The following ANAPC10 variants were observed in gnomAD, a reference collection of about 807,000 sequenced individuals.
ANAPC10 encodes anaphase promoting complex subunit 10, also known as anaphase-promoting complex subunit 10.
A neutral mutation model predicts 22.0 loss-of-function variants in ANAPC10; 12 were observed. The ratio of observed to expected loss-of-function variants is 0.55; its 90% CI spans 0.35 to 0.88. ANAPC10 has a LOEUF of 0.88. Ranked by LOEUF, ANAPC10 falls within the 40% of genes least tolerant of loss-of-function variation. The pLI, the probability that ANAPC10 is intolerant of heterozygous loss-of-function variation, is 0.01. For synonymous variants in ANAPC10, 65 were observed against 69.5 expected (o/e 0.94, Z 0.32); for missense variants, 188 against 220.9 (o/e 0.85, Z 0.94).
chr4:145,009,142 C>T (rs1339461707), intron 4 of ANAPC10, among the ~76,000 whole-genome samples: 1 of 151,924 alleles, frequency 6.6e-6, no homozygotes, highest in Non-Finnish European at 1.5e-5. Context: ...TGTGAAGGAC[C>T]TCTTCAGGAA....
chr4:145,039,946 T>A (rs1739249656), intron 4 of ANAPC10, among the ~76,000 whole-genome samples: 1 of 152,118 alleles, frequency 6.6e-6, no homozygotes. Context: ...GAGGCTAACA[T>A]TCCAAGGTTC....
intron 3 of ANAPC10, among the ~76,000 whole-genome samples, chr4:145,073,243 T>A (rs937090999): frequency 2.6e-5 from 4 of 152,206 alleles, no homozygotes; most frequent in African/African-American, 9.6e-5. Flanking sequence ...TTTGCTCTAC[T>A]TTTAAAAATA....
chr4:145,020,421 G>A (rs1735805449), intron 4 of ANAPC10, among the ~76,000 whole-genome samples: 2 of 151,978 alleles, frequency 1.3e-5, no homozygotes, highest in African/African-American at 4.8e-5. Context: ...CGGCATAAAG[G>A]AACATACCTC....
chr4:145,070,883 T>C (rs1450728836), intron 3 of ANAPC10, among the ~76,000 whole-genome samples: 1 of 152,142 alleles, frequency 6.6e-6, no homozygotes, highest in Non-Finnish European at 1.5e-5. Flanking sequence ...GTGAGAAAAG[T>C]TAGACACCAA....
At chr4:145,006,337 T>C (rs1733350052) in intron 4 of ANAPC10, among the ~76,000 whole-genome samples, 1 of 152,148 alleles carries the variant, frequency 6.6e-6, no homozygotes, top group East Asian at 1.9e-4. Context: ...TTGGCAAACA[T>C]AAAGGGATTT....
chr4:145,082,385 G>C (rs953565133), intron 2 of ANAPC10, among the ~76,000 whole-genome samples: 1 of 152,240 alleles, frequency 6.6e-6, no homozygotes, highest in African/African-American at 2.4e-5. Flanking sequence ...CCAACTTCAA[G>C]TGATCCAGCC....
intron 4 of ANAPC10, among the ~76,000 whole-genome samples, chr4:145,045,246 A>C (rs1348408641): frequency 6.6e-6 from 1 of 152,244 alleles, no homozygotes; most frequent in East Asian, 1.9e-4. Context: ...AGTACTTTGC[A>C]AACTTTATCC....
intron 1 of ANAPC10, chr4:145,097,199 C>G: frequency 3.0e-6 from 1 of 331,324 alleles, no homozygotes; most frequent in East Asian, 8.3e-5. Context: ...AAGACACTGT[C>G]CCAAAAAGCA....
Position 145,086,893 on chromosome 4 carries a change from T to C in ANAPC10, c.116-5143A>G, listed in dbSNP as rs1028803954. ...AGAAAAGAAAATCAGTATTCATCTATGGTTATTGTTATTGTTTGGTAAATA... is the reference window on the plus strand; with the variant it reads ...AGAAAAGAAAATCAGTATTCATCTACGGTTATTGTTATTGTTTGGTAAATA... On this transcript the variant is annotated intron_variant, in intron 2 of 4. Transcript: ENST00000507656. Among the ~76,000 whole-genome samples, 5 of 152,098 alleles carry C rather than the reference T, an allele frequency of 3.3e-5. No homozygotes were observed. In the South Asian group the frequency reaches 1.0e-3, roughly 32 times the overall value.
At chr4:145,047,411 A>T (rs2127175585) in intron 4 of ANAPC10, among the ~76,000 whole-genome samples, 1 of 152,242 alleles carries the variant, frequency 6.6e-6, no homozygotes, top group Admixed American at 6.5e-5. Context: ...CTCTGGGGGA[A>T]TATCAGCAAG....
chr4:145,032,211 C>T (rs1737693137), intron 4 of ANAPC10, among the ~76,000 whole-genome samples: 1 of 152,216 alleles, frequency 6.6e-6, no homozygotes. Context: ...AGCACTACAG[C>T]CCCTTTCTAG....
At chr4:145,072,441 A>G (rs920121167) in intron 3 of ANAPC10, among the ~76,000 whole-genome samples, 1 of 152,188 alleles carries the variant, frequency 6.6e-6, no homozygotes, top group Non-Finnish European at 1.5e-5. Context: ...CATCTAAGGA[A>G]CCAAATAGTT....
At chr4:145,070,259 T>C (rs1192102231) in intron 3 of ANAPC10, among the ~76,000 whole-genome samples, 1 of 152,196 alleles carries the variant, frequency 6.6e-6, no homozygotes, top group Non-Finnish European at 1.5e-5. Context: ...TATGGGAGCT[T>C]TAATACTACA....
chr4:145,027,683 C>T (rs1250667911), intron 4 of ANAPC10, among the ~76,000 whole-genome samples: 1 of 152,148 alleles, frequency 6.6e-6, no homozygotes, highest in Non-Finnish European at 1.5e-5. Flanking sequence ...TCAACATTTA[C>T]GCCAAAACTA....
Position 144,995,514 on chromosome 4 carries a change from A to C in ANAPC10, c.417T>G (p.Ile139Met), listed in dbSNP as rs199788158. The C allele has an allele frequency of 6.2e-4, 1,001 of 1,613,838 alleles. 2 individuals are homozygous for C. Among genetic ancestry groups the C allele is most frequent in the Non-Finnish European group, 6.0e-4 (709 of 1,179,898 alleles). ...CATTCTGGTGATTGGCTAGAACAGCAATCTGTATCATGAATGTACGAGTTG... is the reference window on the plus strand; with the variant it reads ...CATTCTGGTGATTGGCTAGAACAGCCATCTGTATCATGAATGTACGAGTTG... ...KKPTRTFMIQ[I>M]AVLANHQNGR... Residue 139 changes from isoleucine (I) to methionine (M), a missense_variant, in exon 5 of 5, where the codon ATT (isoleucine) becomes ATG (methionine). Physicochemically the swap from Ile to Met is conservative, Grantham distance 10. Transcript: ENST00000507656.
At chr4:145,054,676 G>C (rs1741769999) in intron 4 of ANAPC10, among the ~76,000 whole-genome samples, 2 of 148,384 alleles carry the variant, frequency 1.3e-5, no homozygotes, top group Non-Finnish European at 3.0e-5. Context: ...GCATGTGTGT[G>C]TGTGTGCCTG....
chr4:145,049,668 C>T (rs961721141), intron 4 of ANAPC10, among the ~76,000 whole-genome samples: 4 of 152,126 alleles, frequency 2.6e-5, no homozygotes, highest in Non-Finnish European at 5.9e-5. Flanking sequence ...GAACCGCCGC[C>T]ACCTAGGCTT....
At chr4:145,077,663 G>A (rs909312280) in intron 3 of ANAPC10, among the ~76,000 whole-genome samples, 1 of 151,994 alleles carries the variant, frequency 6.6e-6, no homozygotes, top group Non-Finnish European at 1.5e-5. Flanking sequence ...ATCAAAAAAA[G>A]GCTAATCCAC....
chr4:145,061,461 C>T (rs902570666), intron 4 of ANAPC10, among the ~76,000 whole-genome samples: 1 of 152,064 alleles, frequency 6.6e-6, no homozygotes, highest in Admixed American at 6.6e-5. Flanking sequence ...ACAAGTACAA[C>T]TAAGATTACA....
Sources: allele counts gnomAD v4.1 joint callset (sites outside exome capture counted in the v4.1 genomes callset), GRCh38; gene constraint gnomAD v4.1.1; transcripts MANE v1.5; gene names NCBI Gene and HGNC (gene_info 2026-07-23, HGNC 2026-07-21).